PPP1R13B: variants seen among roughly 807,000 people sequenced by gnomAD.
PPP1R13B encodes the protein protein phosphatase 1 regulatory subunit 13B.
PPP1R13B carries 44 observed loss-of-function variants against 119.8 expected under a neutral mutation model. That is an observed-to-expected ratio of 0.37 (90% confidence interval 0.29 to 0.47). The LOEUF (loss-of-function observed/expected upper bound fraction) is 0.47, where lower values mean the gene tolerates loss of function less well. Among genes scored for constraint, PPP1R13B ranks in the 20% least tolerant of loss-of-function variants. PPP1R13B has a pLI of 0.99. For missense variants in PPP1R13B, 1,227 were observed against 1,413.5 expected, an observed-to-expected ratio of 0.87 and a Z score of 2.12; for synonymous variants, 542 against 561.5, an observed-to-expected ratio of 0.97 and a Z score of 0.49.
chr14:103,786,789 GGC>G (rs2085474683), intron 2 of PPP1R13B, among the ~76,000 whole-genome samples: 1 of 124,246 alleles, frequency 8.0e-6, no homozygotes, highest in Admixed American at 8.3e-5. Flanking sequence ...AAAAAAAAAA[GGC>G]TGGTCATGGT....
At chr14:103,815,801 C>T (rs577828923) in intron 1 of PPP1R13B, among the ~76,000 whole-genome samples, 16 of 150,696 alleles carry the variant, frequency 1.1e-4, no homozygotes, top group Non-Finnish European at 7.4e-5. Context: ...AAAAAAAGTA[C>T]GGCCAGGTGT....
At position 103,734,603 on chromosome 14, in the gene PPP1R13B, T is replaced by C. The variant is rs1343818319; in HGVS notation, c.*551A>G. 1 of 455,914 alleles carries C rather than the reference T, an allele frequency of 2.2e-6. No homozygotes were observed. Among genetic ancestry groups the C allele is most frequent in the Admixed American group, 2.4e-5 (1 of 42,508 alleles). 28.2% of individuals were successfully genotyped at this position (455,914 alleles called of 1,614,324 possible). A position where few individuals can be genotyped will look rare whatever the true frequency, so the allele number is the denominator to read the frequency against. On this transcript the variant is annotated 3_prime_UTR_variant, in exon 17 of 17. Coordinates refer to ENST00000202556, the MANE Select transcript of PPP1R13B (RefSeq NM_015316.3). ...GAACCCCCAAGGCGGCCGAGCAGAGTGGGTACTGGGAGGCATACACACTGG... is the reference window on the plus strand; with the variant it reads ...GAACCCCCAAGGCGGCCGAGCAGAGCGGGTACTGGGAGGCATACACACTGG...
chr14:103,826,956 G>A (rs1186911369), intron 1 of PPP1R13B, among the ~76,000 whole-genome samples: 7 of 151,798 alleles, frequency 4.6e-5, no homozygotes, highest in Non-Finnish European at 1.5e-5. Flanking sequence ...AGCTTGCAGT[G>A]AGCGGAGATC....
chr14:103,792,584 A>T (rs1380101073), intron 2 of PPP1R13B, among the ~76,000 whole-genome samples: 3 of 152,134 alleles, frequency 2.0e-5, no homozygotes, highest in African/African-American at 7.2e-5. Flanking sequence ...GATCAACATG[A>T]CAAGACCCTG....
rs754836259 is a variant in PPP1R13B at position 103,754,280 on chromosome 14, G to T, written c.457-36C>A. 7.5e-6 allele frequency: 12 copies of T among 1,589,934 alleles called. No homozygotes were observed. In the South Asian group the frequency reaches 1.4e-4, roughly 18 times the overall value. On this transcript the variant is annotated intron_variant, in intron 5 of 16. Transcript: ENST00000202556. Reference sequence around the variant, plus strand: ...AAAGAAAAATGTAACTTTGAAAATTGAAGGCTGGGCGCGGTGGCTCACATC... The same window carrying T: ...AAAGAAAAATGTAACTTTGAAAATTTAAGGCTGGGCGCGGTGGCTCACATC...
intron 3 of PPP1R13B, 53 bp from the exon 4 acceptor site, chr14:103,778,874 T>C (rs2085273004): frequency 7.5e-7 from 1 of 1,328,580 alleles, no homozygotes. Context: ...AAAAAAGTAA[T>C]ATTCTCCCAT....
At chr14:103,848,054 G>A (rs977683801), upstream of PPP1R13B, among the ~76,000 whole-genome samples, 2 of 151,886 alleles carry the variant, frequency 1.3e-5, no homozygotes, top group South Asian at 2.1e-4. Flanking sequence ...AGGCCAGTGG[G>A]AGGGGCGCGG....
At chr14:103,782,068 G>A (rs1016500994) in intron 3 of PPP1R13B, among the ~76,000 whole-genome samples, 1 of 152,034 alleles carries the variant, frequency 6.6e-6, no homozygotes, top group Non-Finnish European at 1.5e-5. Flanking sequence ...AAAGAACAAA[G>A]AGGTATACAA....
At chr14:103,834,086 A>G (rs1236081012) in intron 1 of PPP1R13B, among the ~76,000 whole-genome samples, 1 of 152,132 alleles carries the variant, frequency 6.6e-6, no homozygotes, top group Non-Finnish European at 1.5e-5. Context: ...TACTACAAAG[A>G]GGAACTGGCT....
At chr14:103,822,605 A>AG (rs1421097994) in intron 1 of PPP1R13B, among the ~76,000 whole-genome samples, 2 of 151,878 alleles carry the variant, frequency 1.3e-5, no homozygotes, top group African/African-American at 4.8e-5. Flanking sequence ...CAAGGTCAGG[A>AG]GTTCAAGACC....
rs1217406412 is a variant in PPP1R13B, at chr14:103,740,264, C to T, written c.2152G>A (p.Gly718Ser). Reference protein sequence around the residue: ...RSSITEPEGPGGPNIQKLLYQ... With the variant: ...RSSITEPEGPSGPNIQKLLYQ... ...AGCAGCTTCTGGATGTTGGGCCCGC[C>T]GGGGCCCTCGGGCTCTGTGATGGAG... Residue 718 changes from glycine to serine, a missense_variant, in exon 12 of 17, where the codon GGC becomes AGC. Physicochemically the swap from Gly to Ser is moderately conservative, Grantham distance 56 (BLOSUM62 0). Transcript: ENST00000202556. This position sits in a 1 kb window ranked among gnomAD's most constrained non-coding sequence, Gnocchi z 4.6. 1.5e-5 allele frequency: 24 copies of T among 1,602,738 alleles called. No individual in the cohort carries two copies. Among genetic ancestry groups the T allele is most frequent in the Middle Eastern group, 1.7e-4 (1 of 5,994 alleles).
At chr14:103,747,678 C>T (rs1375962489) in intron 8 of PPP1R13B, among the ~76,000 whole-genome samples, 3 of 152,274 alleles carry the variant, frequency 2.0e-5, no homozygotes, top group Admixed American at 6.5e-5. Context: ...ACCCTTTCCC[C>T]GAGTCCCCAA....
chr14:103,807,595 C>T lies in PPP1R13B; in HGVS notation c.10-10077G>A, dbSNP rs149524156. ...CTGCAAGCTCTGCCTTCCGGGTTCA[C>T]GCCATTCTCCTGCCTCAGCCTCCCA... On this transcript the variant is annotated intron_variant, in intron 1 of 16. Coordinates refer to ENST00000202556, the MANE Select transcript of PPP1R13B (RefSeq NM_015316.3). Among the ~76,000 whole-genome samples, 474 of 152,038 alleles carry T rather than the reference C, an allele frequency of 3.1e-3. 13 individuals are homozygous for T. The highest frequency in any genetic ancestry group is 5.7e-3 in the East Asian group (29 of 5,132).
rs373185227 is a variant in PPP1R13B at position 103,775,879 on chromosome 14, A to G, written c.354+2866T>C. Among the ~76,000 whole-genome samples the G allele has an allele frequency of 2.0e-5, 3 of 152,166 alleles. No homozygotes were observed. In the East Asian group the frequency reaches 5.8e-4, roughly 29 times the overall value. On this transcript the variant is annotated intron_variant, in intron 4 of 16. Transcript: ENST00000202556. The stretch of plus-strand genomic sequence containing the variant: ...GCAGGAATGTGAAGAGGGAGAATCT[A>G]TAATCTTAACAACAGGAATATTTCT...
chr14:103,845,849 C>T (rs2087017932), intron 1 of PPP1R13B, among the ~76,000 whole-genome samples: 1 of 152,098 alleles, frequency 6.6e-6, no homozygotes, highest in Admixed American at 6.5e-5. Context: ...TTCCAAATGC[C>T]TTATCTTATA....
chr14:103,758,471 G>C (rs1447342103), intron 4 of PPP1R13B, among the ~76,000 whole-genome samples: 3 of 152,244 alleles, frequency 2.0e-5, no homozygotes, highest in African/African-American at 4.8e-5. Flanking sequence ...GCAAAGCAGA[G>C]ACACAGAGTC....
chr14:103,783,582 C>T (rs1293769475), intron 3 of PPP1R13B, among the ~76,000 whole-genome samples: 3 of 151,282 alleles, frequency 2.0e-5, no homozygotes, highest in Non-Finnish European at 4.4e-5. Flanking sequence ...GGGTCTCTCT[C>T]TGTTGCCCTG....
chr14:103,827,717 G>A (rs1334016742), intron 1 of PPP1R13B, among the ~76,000 whole-genome samples: 1 of 150,106 alleles, frequency 6.7e-6, no homozygotes, highest in African/African-American at 2.5e-5. Flanking sequence ...TTCAGCTTAA[G>A]AGACTTCGAT....
chr14:103,798,768 T>C (rs984207149), intron 1 of PPP1R13B, among the ~76,000 whole-genome samples: 1 of 152,104 alleles, frequency 6.6e-6, no homozygotes, highest in African/African-American at 2.4e-5. Flanking sequence ...AGTGGCGTGA[T>C]CTCAGCTCAC....
Sources: allele counts gnomAD v4.1 joint callset (sites outside exome capture counted in the v4.1 genomes callset), GRCh38; gene constraint gnomAD v4.1.1; non-coding constraint Gnocchi (gnomAD v3.1); transcripts MANE v1.5; gene names NCBI Gene and HGNC (gene_info 2026-07-23, HGNC 2026-07-21).